Variants in RNF216 observed in about 807,000 individuals in gnomAD.
The protein encoded by RNF216 is E3 ubiquitin-protein ligase RNF216.
In RNF216, 72 loss-of-function variants were observed where a neutral mutation model predicts 110.8. The ratio of observed to expected loss-of-function variants is 0.65; its 90% confidence interval spans 0.54 to 0.79. The LOEUF is 0.79. Among genes scored for constraint, RNF216 ranks in the 30% least tolerant of loss-of-function variants. The pLI, the probability that RNF216 is intolerant of heterozygous loss-of-function variation, is 0.00. For missense variants in RNF216, 1,342 were observed against 1,141.2 expected, an observed-to-expected ratio of 1.18 and a Z score of -2.54; for synonymous variants, 495 against 407.5, an observed-to-expected ratio of 1.21 and a Z score of -2.59.
chr7:5,653,600 CAAAAAAAAAAA>C (rs34530431), intron 13 of RNF216, among the ~76,000 whole-genome samples: 2 of 50,492 alleles, frequency 4.0e-5, no homozygotes, highest in African/African-American at 1.7e-4. Context: ...GACTCTGTCT[CAAAAAAAAAAA>C]AAAAAAAAAA....
chr7:5,752,648 T>C (rs1795392320), intron 3 of RNF216, among the ~76,000 whole-genome samples, 198 bp downstream of exon 3: 1 of 152,134 alleles, frequency 6.6e-6, no homozygotes, highest in Admixed American at 6.5e-5. Flanking sequence ...GATGGAACAA[T>C]GGTGCAGATA....
intron 13 of RNF216, among the ~76,000 whole-genome samples, chr7:5,662,891 A>G (rs1199681193): frequency 6.6e-6 from 1 of 152,026 alleles, no homozygotes; most frequent in Non-Finnish European, 1.5e-5. Flanking sequence ...CTGGTAGAGA[A>G]GCGTTCCAGG....
intron 1 of RNF216, among the ~76,000 whole-genome samples, chr7:5,765,372 G>C (rs73048722): frequency 1.3e-5 from 2 of 151,878 alleles, no homozygotes; most frequent in African/African-American, 4.8e-5. Context: ...GCTGAGGTAA[G>C]AGAATTGCTT....
At chr7:5,749,100 A>C (rs1193013386) in intron 3 of RNF216, among the ~76,000 whole-genome samples, 4 of 151,972 alleles carry the variant, frequency 2.6e-5, no homozygotes, top group African/African-American at 9.7e-5. Flanking sequence ...TTTGGTAAGT[A>C]AGACCATTTG....
At chr7:5,712,621 G>A (rs564189095) in intron 12 of RNF216, 94 bp downstream of exon 12, 3 of 1,257,310 alleles carry the variant, frequency 2.4e-6, no homozygotes, top group Non-Finnish European at 3.4e-6. Flanking sequence ...AAACCTGGAA[G>A]ATAAACACAA....
At chr7:5,737,961 G>A (rs370535577) in intron 5 of RNF216, among the ~76,000 whole-genome samples, 1 of 151,700 alleles carries the variant, frequency 6.6e-6, no homozygotes, top group African/African-American at 2.4e-5. Flanking sequence ...GGTGGAGTAC[G>A]CCTGTAATGC....
At position 5,725,399 on chromosome 7, in the gene RNF216, G is replaced by A. The variant is rs761069998; in HGVS notation, c.1429C>T (p.Pro477Ser). Residue 477 changes from proline (P) to serine (S), a missense_variant, in exon 8 of 17, where the codon CCA (proline) becomes TCA (serine). Transcript: ENST00000389902. The stretch of plus-strand genomic sequence containing the variant: ...TTCTTCCTTTTTCCACTGGTTTCTG[G>A]TGACAGCTCCTGCCATTTTTTAATG... ...DAIKKWQELS[P>S]ETSGKRKKRK... 2 of 1,613,666 alleles carry A rather than the reference G, an allele frequency of 1.2e-6. No homozygotes were observed. Among genetic ancestry groups the A allele is most frequent in the Admixed American group, 1.7e-5 (1 of 59,996 alleles).
At chr7:5,778,356 T>C (rs906966928) in intron 1 of RNF216, among the ~76,000 whole-genome samples, 1 of 152,212 alleles carries the variant, frequency 6.6e-6, no homozygotes, top group African/African-American at 2.4e-5. Flanking sequence ...TGCTTTCTCC[T>C]CAGAGAAAAA....
At chr7:5,649,529 T>C (rs1788257995) in intron 14 of RNF216, 1 of 152,064 alleles carries the variant, frequency 6.6e-6, no homozygotes, top group African/African-American at 2.4e-5. Context: ...AAAAAACGTT[T>C]TGACATCTGG....
chr7:5,632,834 T>A (rs1254995199), intron 15 of RNF216, among the ~76,000 whole-genome samples: 2 of 152,148 alleles, frequency 1.3e-5, no homozygotes, highest in Non-Finnish European at 2.9e-5. Context: ...GGTGTACCTA[T>A]GGATCACAGT....
chr7:5,658,002 G>A (rs1043522686), intron 13 of RNF216, among the ~76,000 whole-genome samples: 10 of 152,208 alleles, frequency 6.6e-5, no homozygotes, highest in African/African-American at 1.2e-4. Context: ...GTTACATATC[G>A]GGGCAAATCA....
At chr7:5,648,842 T>C (rs1241358012) in intron 14 of RNF216, among the ~76,000 whole-genome samples, 1 of 151,868 alleles carries the variant, frequency 6.6e-6, no homozygotes, top group African/African-American at 2.4e-5. Context: ...AATTATCAAA[T>C]GCAATGAATC....
intron 13 of RNF216, among the ~76,000 whole-genome samples, chr7:5,653,221 A>G (rs1169296734): frequency 6.6e-6 from 1 of 152,024 alleles, no homozygotes; most frequent in African/African-American, 2.4e-5. Context: ...TTAAATAATC[A>G]CCACCTTTAT....
In RNF216 at chr7:5,620,940, A is replaced by C. The variant is rs117332740; in HGVS notation, c.*1920T>G. 1 of 152,296 alleles carries C rather than the reference A, an allele frequency of 6.6e-6. No individual in the cohort carries two copies. Among genetic ancestry groups the C allele is most frequent in the East Asian group, 1.9e-4 (1 of 5,158 alleles). The allele number at this position is 152,296 out of a possible 1,614,324, so 9.4% of individuals were successfully genotyped here. ...CTGGGGAAGCACAGGGAGCATATTT[A>C]AGGTACCGAAGACAATCCTGTTGCT... On this transcript the variant is annotated 3_prime_UTR_variant, in exon 17 of 17. Transcript: ENST00000389902.
At chr7:5,743,466 CT>C (rs1794876718) in intron 3 of RNF216, among the ~76,000 whole-genome samples, 1 of 152,120 alleles carries the variant, frequency 6.6e-6, no homozygotes, top group African/African-American at 2.4e-5. Context: ...CTACAAAATA[CT>C]CTACAACTGA....
intron 3 of RNF216, among the ~76,000 whole-genome samples, chr7:5,748,338 T>C (rs1308115377): frequency 3.3e-5 from 5 of 152,182 alleles, no homozygotes; most frequent in Non-Finnish European, 7.3e-5. Context: ...TGGTTAGTCT[T>C]TGGCAGTCCT....
Position 5,721,061 on chromosome 7 carries a change from T to C in RNF216, c.1616A>G (p.Tyr539Cys), listed in dbSNP as rs148642312. ...TGCCATCTCTTTGATTTTCTGCTCA[T>C]AGAACTCCTGCTCTTGTTGCACAGC... ...LPAVQQEQEF[Y>C]EQKIKEMAEH... is the part of the protein sequence containing the mutation. The change falls in exon 9 of 17, where the codon TAT (tyrosine) becomes TGT (cysteine). Residue 539 changes from tyrosine to cysteine, a missense_variant. Transcript: ENST00000389902. The C allele has an allele frequency of 1.8e-5, 29 of 1,614,242 alleles. No individual in the cohort carries two copies. Among genetic ancestry groups the C allele is most frequent in the Non-Finnish European group, 2.4e-5 (28 of 1,180,036 alleles).
chr7:5,635,733 T>G (rs1223060363), intron 15 of RNF216, among the ~76,000 whole-genome samples: 1 of 152,186 alleles, frequency 6.6e-6, no homozygotes, highest in East Asian at 1.9e-4. Context: ...GCCACAGTCT[T>G]AAGCAAGTAA....
intron 15 of RNF216, among the ~76,000 whole-genome samples, chr7:5,640,655 G>T (rs1376702143): frequency 1.3e-5 from 2 of 152,170 alleles, no homozygotes; most frequent in Non-Finnish European, 2.9e-5. Context: ...ACCATATAAT[G>T]ATTTACGTTA....
Sources: allele counts gnomAD v4.1 joint callset (sites outside exome capture counted in the v4.1 genomes callset), GRCh38; gene constraint gnomAD v4.1.1; transcripts MANE v1.5; gene names NCBI Gene and HGNC (gene_info 2026-07-23, HGNC 2026-07-21).